Variants in RALYL observed in about 807,000 individuals in gnomAD.
The protein encoded by RALYL is RALY RNA binding protein like, also known as RNA-binding Raly-like protein.
A neutral mutation model predicts 35.1 loss-of-function variants in RALYL; 29 were observed. The observed-to-expected ratio is 0.83, with a 90% confidence interval of 0.61 to 1.13. RALYL has a LOEUF of 1.13. Ranked by LOEUF, RALYL falls within the 50% of genes most tolerant of loss-of-function variation. The probability of loss-of-function intolerance (pLI) is 0.00; values close to 1 mark genes in which losing one functional copy is unlikely to be tolerated. For synonymous variants in RALYL, 120 were observed against 127.6 expected, an observed-to-expected ratio of 0.94 and a Z score of 0.40; for missense variants, 359 against 360.4, an observed-to-expected ratio of 1.00 and a Z score of 0.03.
chr8:84,919,232 C>A (rs1848940509), intron 8 of RALYL, among the ~76,000 whole-genome samples: 1 of 151,738 alleles, frequency 6.6e-6, no homozygotes, highest in South Asian at 2.1e-4. Context: ...AGTGCAATTG[C>A]AATCATATAA....
chr8:84,371,744 A>AT (rs1563807177), intron 1 of RALYL, among the ~76,000 whole-genome samples: 1 of 152,110 alleles, frequency 6.6e-6, no homozygotes, highest in African/African-American at 2.4e-5. Flanking sequence ...TTAGAGAACT[A>AT]TTTCTAAAGA....
chr8:84,744,979 T>A (rs1808265536), intron 2 of RALYL, among the ~76,000 whole-genome samples: 1 of 151,926 alleles, frequency 6.6e-6, no homozygotes, highest in African/African-American at 2.4e-5. Flanking sequence ...CATAAATTCA[T>A]CTGGAAAAAC....
chr8:84,525,856 A>G (rs1462116348), intron 1 of RALYL, among the ~76,000 whole-genome samples: 1 of 151,604 alleles, frequency 6.6e-6, no homozygotes, highest in African/African-American at 2.4e-5. Context: ...GTCATGGGTC[A>G]TATTTCAATT....
intron 1 of RALYL, among the ~76,000 whole-genome samples, chr8:84,470,876 A>G (rs1269551331): frequency 6.6e-6 from 1 of 152,218 alleles, no homozygotes; most frequent in Non-Finnish European, 1.5e-5. Flanking sequence ...TTGTTAGTAT[A>G]TAAAGCTTTG....
intron 2 of RALYL, among the ~76,000 whole-genome samples, chr8:84,665,439 T>C (rs1292929614): frequency 2.6e-5 from 4 of 151,644 alleles, no homozygotes; most frequent in Non-Finnish European, 5.9e-5. Flanking sequence ...TCTGGTCCTG[T>C]GCTGTTTTTT....
intron 8 of RALYL, among the ~76,000 whole-genome samples, chr8:84,893,012 T>A (rs1320853285): frequency 6.6e-6 from 1 of 152,138 alleles, no homozygotes; most frequent in Non-Finnish European, 1.5e-5. Context: ...ATAAGAAAGA[T>A]ATGAACTAAC....
At chr8:84,516,125 G>T (rs2134536627) in intron 1 of RALYL, among the ~76,000 whole-genome samples, 1 of 151,876 alleles carries the variant, frequency 6.6e-6, no homozygotes, top group South Asian at 2.1e-4. Context: ...TAGACATCTG[G>T]GTTTCCAGTC....
At chr8:84,520,743 C>T (rs566307377) in intron 1 of RALYL, among the ~76,000 whole-genome samples, 70 of 152,252 alleles carry the variant, frequency 4.6e-4, no homozygotes, top group Non-Finnish European at 9.4e-4. Flanking sequence ...ATGTTGCGTG[C>T]TCCTTACGAG....
chr8:84,510,995 C>T (rs1354802610), intron 1 of RALYL, among the ~76,000 whole-genome samples: 3 of 152,088 alleles, frequency 2.0e-5, no homozygotes, highest in Non-Finnish European at 4.4e-5. Context: ...TATAGTCATC[C>T]TGCTGTACAA....
chr8:84,683,029 C>T (rs1835931494), intron 2 of RALYL, among the ~76,000 whole-genome samples: 1 of 152,146 alleles, frequency 6.6e-6, no homozygotes, highest in African/African-American at 2.4e-5. Flanking sequence ...TCCAGAGATT[C>T]TGGTATGTTG....
intron 3 of RALYL, among the ~76,000 whole-genome samples, chr8:84,799,685 G>T (rs554498652): frequency 6.6e-6 from 1 of 152,234 alleles, no homozygotes; most frequent in Non-Finnish European, 1.5e-5. Flanking sequence ...GGCCGGGTGC[G>T]CTGGCTCACG....
At chr8:84,330,600 T>G (rs1219247822) in intron 1 of RALYL, among the ~76,000 whole-genome samples, 1 of 152,058 alleles carries the variant, frequency 6.6e-6, no homozygotes, top group East Asian at 1.9e-4. Context: ...ACTCTTCCCT[T>G]TCCTTCCATC....
rs1587656659 is a variant in RALYL at position 84,478,922 on chromosome 8, T to TAAAAAAAAAAAA, written c.-23-50372_-23-50371insAAAAAAAAAAAA. ...TAACACCGTGAAACCCCGTCTCTAC[T>TAAAAAAAAAAAA]AAAAATACAAAACATTAGCCGGGCA... On this transcript the variant is annotated intron_variant, in intron 1 of 8. Coordinates refer to ENST00000521268, the MANE Select transcript of RALYL (RefSeq NM_173848.7). 1.3e-3 allele frequency among the ~76,000 whole-genome samples: 108 copies of TAAAAAAAAAAAA among 85,216 alleles called. 8 individuals carry two copies. The highest frequency in any genetic ancestry group is 2.6e-3 in the East Asian group (6 of 2,352). The allele number at this position is 85,216 out of a possible 152,430, so 55.9% of individuals were successfully genotyped here.
chr8:84,766,739 A>AC (rs1814155270), intron 2 of RALYL, among the ~76,000 whole-genome samples: 1 of 148,852 alleles, frequency 6.7e-6, no homozygotes, highest in African/African-American at 2.4e-5. Context: ...AAAAAAAAAA[A>AC]AAAAAAAAAC....
chr8:84,463,743 T>G (rs1563974393), intron 1 of RALYL, among the ~76,000 whole-genome samples: 1 of 152,086 alleles, frequency 6.6e-6, no homozygotes, highest in Non-Finnish European at 1.5e-5. Flanking sequence ...TGAAAATAAT[T>G]CTAACTAAGG....
At chr8:84,522,914 T>C (rs1326924358) in intron 1 of RALYL, among the ~76,000 whole-genome samples, 1 of 152,024 alleles carries the variant, frequency 6.6e-6, no homozygotes, top group African/African-American at 2.4e-5. Context: ...ACTGGTTAAT[T>C]TATAAAAGAA....
intron 1 of RALYL, among the ~76,000 whole-genome samples, chr8:84,388,870 G>C (rs1043171087): frequency 2.0e-5 from 3 of 151,974 alleles, no homozygotes; most frequent in Non-Finnish European, 4.4e-5. Context: ...GTCAATTTTG[G>C]CTTTTGTTGC....
At chr8:84,362,111 C>T (rs1361451257) in intron 1 of RALYL, among the ~76,000 whole-genome samples, 1 of 152,052 alleles carries the variant, frequency 6.6e-6, no homozygotes, top group Non-Finnish European at 1.5e-5. Context: ...GTGGAGTGTT[C>T]TTAGCATTTA....
At chr8:84,193,580 A>T (rs1478481678) in intron 1 of RALYL, among the ~76,000 whole-genome samples, 1 of 152,216 alleles carries the variant, frequency 6.6e-6, no homozygotes, top group East Asian at 1.9e-4. Flanking sequence ...TTGCCATTTA[A>T]TGGTGACTTC....
Sources: gnomAD v4.1 joint callset for allele counts (sites outside exome capture counted in the v4.1 genomes callset) on GRCh38, gnomAD v4.1.1 for gene constraint, MANE v1.5 for transcripts, NCBI Gene and HGNC (gene_info 2026-07-23, HGNC 2026-07-21) for gene names.